Variants in PHTF1 observed in about 807,000 individuals in gnomAD.
PHTF1 encodes putative homeodomain transcription factor 1, also known as protein PHTF1.
Under a neutral mutation model 102.4 loss-of-function variants are expected in PHTF1, and 88 were observed. The observed-to-expected ratio is 0.86, with a 90% CI of 0.72 to 1.03. The LOEUF (loss-of-function observed/expected upper bound fraction) is 1.03. PHTF1 is among the 50% of genes least tolerant of loss of function. PHTF1 has a pLI of 0.00. For missense variants in PHTF1, 814 were observed against 909.5 expected, an observed-to-expected ratio of 0.89 and a Z score of 1.35; for synonymous variants, 289 against 305.2, an observed-to-expected ratio of 0.95 and a Z score of 0.55.
At position 113,711,228 on chromosome 1, in the gene PHTF1, C is replaced by T. The variant is rs572739517; in HGVS notation, c.1047+518G>A. Among the ~76,000 whole-genome samples the T allele has an allele frequency of 6.6e-5, 10 of 152,194 alleles. No individual in the cohort carries two copies. In the South Asian group the frequency reaches 1.9e-3, roughly 28 times the overall value. ...AAGGATAATCAGTCAAAGAAAAGTACCAACATAAATATGAAAGTTATTCCA... is the reference window on the plus strand; with the variant it reads ...AAGGATAATCAGTCAAAGAAAAGTATCAACATAAATATGAAAGTTATTCCA... On this transcript the variant is annotated intron_variant, in intron 10 of 18. Transcript: ENST00000369604.
chr1:113,757,247 G>T (rs561817553), intron 3 of PHTF1, among the ~76,000 whole-genome samples: 1 of 152,270 alleles, frequency 6.6e-6, no homozygotes, highest in African/African-American at 2.4e-5. Flanking sequence ...CCATAGGCTG[G>T]ATTCAGGCCA....
chr1:113,752,385 ATTTTTTTTTT>A (rs774522219), intron 3 of PHTF1, among the ~76,000 whole-genome samples: 7 of 47,886 alleles, frequency 1.5e-4, no homozygotes, highest in South Asian at 1.3e-3. Context: ...TGTTACTGTA[ATTTTTTTTTT>A]TTTTTTTTTT....
intron 11 of PHTF1, 129 bp from the exon 12 acceptor site, chr1:113,706,851 CTTTTTTTTTTTTTTTT>C: frequency 4.6e-6 from 1 of 216,104 alleles, no homozygotes; most frequent in South Asian, 4.8e-5. Context: ...TTCTTTCTTT[CTTTTTTTTTTTTTTTT>C]TTTTTTTTGA....
rs1650226373 is a variant in PHTF1, at chr1:113,706,603, G to A, written c.1389C>T (p.Ile463=). ...ACATATTCAGTCTTACCCTGCTCATGATGATGCCACTTATTTCCAACACAG... is the reference window on the plus strand; with the variant it reads ...ACATATTCAGTCTTACCCTGCTCATAATGATGCCACTTATTTCCAACACAG... The part of the protein sequence containing the change: ...DMSVLEISGI[I]MSRVNAYQQG... Residue 463 remains isoleucine (I), a synonymous_variant, in exon 12 of 19, where the codon ATC becomes ATT. Coordinates refer to ENST00000369604, the MANE Select transcript of PHTF1 (RefSeq NM_001323043.2). 1.2e-6 allele frequency: 2 copies of A among 1,608,158 alleles called. No homozygotes were observed. Among genetic ancestry groups the A allele is most frequent in the Middle Eastern group, 1.7e-4 (1 of 6,050 alleles).
rs1416748755 is a variant in PHTF1, at chr1:113,697,717, T to C, written c.2277A>G (p.Lys759=). 6.2e-7 allele frequency: 1 copy of C among 1,606,822 alleles called. No individual in the cohort carries two copies. Among genetic ancestry groups the C allele is most frequent in the African/African-American group, 1.3e-5 (1 of 74,738 alleles). ...DLLGFNIRLW[K]IKS ...GCATTTACTCAGCTTATGATTTAAT[T>C]TTCCACAGCTAAGAGAACAAAATCA... The change falls in exon 19 of 19, where the codon AAA becomes AAG. Residue 759 remains lysine, a synonymous_variant. Coordinates refer to ENST00000369604, the MANE Select transcript of PHTF1 (RefSeq NM_001323043.2).
rs550007763 is a variant in PHTF1 at position 113,731,675 on chromosome 1, CCTGAGGT to C, written c.332-5108_332-5102del. 2.6e-4 allele frequency among the ~76,000 whole-genome samples: 40 copies of C among 152,004 alleles called. No homozygotes were observed. The South Asian group carries it at 8.3e-3, about 32-fold the overall frequency. On this transcript the variant is annotated intron_variant, in intron 5 of 18. Coordinates refer to ENST00000369604, the MANE Select transcript of PHTF1 (RefSeq NM_001323043.2). ...TTGGGAGGCCGAGGCGGAAGGGTCA[CCTGAGGT>C]CAGGAGTTCGAGACCAGCCTGGCCA...
At chr1:113,734,290 C>G (rs1260616815) in intron 5 of PHTF1, among the ~76,000 whole-genome samples, 1 of 151,926 alleles carries the variant, frequency 6.6e-6, no homozygotes, top group Non-Finnish European at 1.5e-5. Flanking sequence ...CAAACAAAAA[C>G]AAAGAAAGAA....
intron 17 of PHTF1, among the ~76,000 whole-genome samples, chr1:113,698,620 T>TAC (rs56167437): frequency 0.014 from 715 of 49,732 alleles, 3 homozygotes; most frequent in South Asian, 0.036. Context: ...TATATATATA[T>TAC]ACACACACAC....
chr1:113,707,995 CAAA>C (rs1650474586), intron 11 of PHTF1, among the ~76,000 whole-genome samples: 1 of 152,020 alleles, frequency 6.6e-6, no homozygotes, highest in Admixed American at 6.5e-5. Context: ...ACATCAGAAA[CAAA>C]GAAGGTTAGT....
intron 10 of PHTF1, 122 bp downstream of exon 10, chr1:113,711,624 G>A: frequency 1.5e-6 from 1 of 677,742 alleles, no homozygotes; most frequent in Non-Finnish European, 2.6e-6. Flanking sequence ...TGGGTAATTG[G>A]AGACAGGGAA....
At chr1:113,746,010 T>G (rs1485766294) in intron 3 of PHTF1, among the ~76,000 whole-genome samples, 1 of 152,212 alleles carries the variant, frequency 6.6e-6, no homozygotes, top group East Asian at 1.9e-4. Context: ...GGTTGGGGAC[T>G]GCTGGACTAT....
chr1:113,700,860 A>G lies in PHTF1; in HGVS notation c.1980T>C (p.Arg660=), dbSNP rs761544043. The G allele has an allele frequency of 4.3e-6, 7 of 1,612,578 alleles. No individual in the cohort carries two copies. In the East Asian group the frequency reaches 1.6e-4, roughly 36 times the overall value. ...WETALLLFLL[R]LASLGSETNK... ...TGGTTTCAGACCCCAGTGAGGCCAG[A>G]CGCAATAAAAAAAGTAGTAAAGCTG... The change falls in exon 16 of 19, where the codon CGT becomes CGC. Residue 660 remains arginine, a synonymous_variant. Transcript: ENST00000369604.
rs1286170114 is a variant in PHTF1 at position 113,720,749 on chromosome 1, C to T, written c.623+4010G>A. 3.9e-5 allele frequency among the ~76,000 whole-genome samples: 6 copies of T among 152,274 alleles called. No individual in the cohort carries two copies. The South Asian group carries it at 1.2e-3, about 32-fold the overall frequency. On this transcript the variant is annotated intron_variant, in intron 7 of 18. Coordinates refer to ENST00000369604, the MANE Select transcript of PHTF1 (RefSeq NM_001323043.2). Reference sequence around the variant, plus strand: ...CTCACAGCTCCACTAGGAAGTGCCCCAGTGAGAACTCTATGTGCGGGTGCC... The same window carrying T: ...CTCACAGCTCCACTAGGAAGTGCCCTAGTGAGAACTCTATGTGCGGGTGCC...
intron 16 of PHTF1, 68 bp downstream of exon 16, chr1:113,700,726 T>C: frequency 6.9e-7 from 1 of 1,440,406 alleles, no homozygotes; most frequent in Non-Finnish European, 9.6e-7. Context: ...CTGAATCCTC[T>C]GCAGGAACCT....
intron 3 of PHTF1, among the ~76,000 whole-genome samples, chr1:113,743,672 G>A (rs1212911761): frequency 5.9e-5 from 9 of 152,036 alleles, no homozygotes; most frequent in Non-Finnish European, 1.0e-4. Context: ...GTAATGTGTC[G>A]TGCTATGACT....
At position 113,745,674 on chromosome 1, in the gene PHTF1, T is replaced by G. The variant is rs567144013; in HGVS notation, c.103-6875A>C. 7.2e-5 allele frequency among the ~76,000 whole-genome samples: 11 copies of G among 152,244 alleles called. 1 individual carries two copies. The South Asian group carries it at 2.3e-3, about 32-fold the overall frequency. ...CTGTCAGATGAGTGGCGGCATTAGA[T>G]TCTCACAGGAGTGCAAACCCCACTG... On this transcript the variant is annotated intron_variant, in intron 3 of 18. Coordinates refer to ENST00000369604, the MANE Select transcript of PHTF1 (RefSeq NM_001323043.2).
Position 113,713,391 on chromosome 1 carries a change from T to A in PHTF1, c.671A>T (p.Asn224Ile). 1 of 1,594,830 alleles carries A rather than the reference T, an allele frequency of 6.3e-7. No homozygotes were observed. Among genetic ancestry groups the A allele is most frequent in the Non-Finnish European group, 8.6e-7 (1 of 1,162,520 alleles). Reference protein sequence around the residue: ...LISNKGTETDNDPSCVHPIIK... With the variant: ...LISNKGTETDIDPSCVHPIIK... ...GATAGGATGGACACAACTTGGGTCA[T>A]TGTCAGTTTCAGTCCCTTTGTTAGA... The change falls in exon 8 of 19, where the codon AAT (asparagine) becomes ATT (isoleucine). Residue 224 changes from asparagine (N) to isoleucine (I), a missense_variant. Coordinates refer to ENST00000369604, the MANE Select transcript of PHTF1 (RefSeq NM_001323043.2).
In PHTF1 at chr1:113,744,057, TTA is replaced by T. The variant is rs1353155362; in HGVS notation, c.103-5260_103-5259del. 2.6e-5 allele frequency among the ~76,000 whole-genome samples: 4 copies of T among 152,200 alleles called. No individual in the cohort carries two copies. The South Asian group carries it at 6.2e-4, about 24-fold the overall frequency. On this transcript the variant is annotated intron_variant, in intron 3 of 18. Coordinates refer to ENST00000369604, the MANE Select transcript of PHTF1 (RefSeq NM_001323043.2). ...TTAACTTTGAGAGGTTCAATGGGCATTATGAGTGGATTTCCTTACTGGCCACA... is the reference window on the plus strand; with the variant it reads ...TTAACTTTGAGAGGTTCAATGGGCATTGAGTGGATTTCCTTACTGGCCACA...
Position 113,726,568 on chromosome 1 carries a change from G to A in PHTF1, c.338C>T (p.Ala113Val), listed in dbSNP as rs1653869439. 6.4e-7 allele frequency: 1 copy of A among 1,565,408 alleles called. No homozygotes were observed. Among genetic ancestry groups the A allele is most frequent in the East Asian group, 2.3e-5 (1 of 43,496 alleles). The change falls in exon 6 of 19, where the codon GCA becomes GTA. Residue 113 changes from alanine (A) to valine (V), a missense_variant. Coordinates refer to ENST00000369604, the MANE Select transcript of PHTF1 (RefSeq NM_001323043.2). ...AGGCATCATCAAATATAAGACAATTGCTATAACTGAAAAGAAGAGGTTTTA... is the reference window on the plus strand; with the variant it reads ...AGGCATCATCAAATATAAGACAATTACTATAACTGAAAAGAAGAGGTTTTA... ...LLLLYFMQVIAIVLYLMMPIV... is the reference protein window; with the variant it reads ...LLLLYFMQVIVIVLYLMMPIV...
Sources: allele counts gnomAD v4.1 joint callset (sites outside exome capture counted in the v4.1 genomes callset), GRCh38; gene constraint gnomAD v4.1.1; transcripts MANE v1.5; gene names NCBI Gene and HGNC (gene_info 2026-07-23, HGNC 2026-07-21).